Variants in DBH observed in about 807,000 individuals in gnomAD.
The protein encoded by DBH is dopamine beta-hydroxylase (dopamine beta-monooxygenase).
DBH carries 49 observed loss-of-function variants against 64.0 expected under a neutral mutation model. That is an observed-to-expected ratio of 0.77 (90% confidence interval 0.61 to 0.97). The LOEUF is 0.97. Ranked by LOEUF, DBH falls within the 50% of genes least tolerant of loss-of-function variation. The probability of loss-of-function intolerance (pLI) is 0.00; values close to 1 mark genes in which losing one functional copy is unlikely to be tolerated. For synonymous variants in DBH, 343 were observed against 347.1 expected, an observed-to-expected ratio of 0.99 and a Z score of 0.13; for missense variants, 828 against 826.6, an observed-to-expected ratio of 1.00 and a Z score of -0.02.
chr9:133,636,858 A>G, intron 1 of DBH, 148 bp downstream of exon 1: 2 of 799,568 alleles, frequency 2.5e-6, no homozygotes, highest in Non-Finnish European at 2.1e-6. Context: ...CCAAGTCTGC[A>G]CCCCGAGCTT....
intron 8 of DBH, 27 bp from the exon 9 acceptor site, chr9:133,652,913 C>G (rs1832268819): frequency 6.2e-7 from 1 of 1,602,746 alleles, no homozygotes; most frequent in African/African-American, 1.3e-5. Flanking sequence ...GTGGCAGGTG[C>G]TGATGGTCAC....
At chr9:133,649,501 T>C (rs1219854867) in intron 6 of DBH, among the ~76,000 whole-genome samples, 3 of 152,220 alleles carry the variant, frequency 2.0e-5, no homozygotes, top group Non-Finnish European at 4.4e-5. Flanking sequence ...AGAGTGGATT[T>C]TCCTTCCTAG....
chr9:133,641,172 A>C (rs1832112043), intron 2 of DBH, among the ~76,000 whole-genome samples: 1 of 152,236 alleles, frequency 6.6e-6, no homozygotes, highest in African/African-American at 2.4e-5. Flanking sequence ...ATAGATGCCA[A>C]ATAGACAAAT....
chr9:133,656,775 C>A, intron 10 of DBH, 125 bp downstream of exon 10: 1 of 1,228,164 alleles, frequency 8.1e-7, no homozygotes, highest in Admixed American at 1.9e-5. Context: ...CCTGTGGCGG[C>A]ATCACTCACC....
Position 133,643,473 on chromosome 9 carries a change from T to C in DBH, c.805T>C (p.Cys269Arg), listed in dbSNP as rs1193871229. 1 of 1,613,328 alleles carries C rather than the reference T, an allele frequency of 6.2e-7. No homozygotes were observed. The highest frequency in any genetic ancestry group is 1.1e-5 in the South Asian group (1 of 91,016). ...ALVHHMEVFQ[C>R]APEMDSVPHF... ...TGTCCACCACATGGAAGTCTTCCAG[T>C]GCGCCCCCGAGATGGACAGCGTCCC... The change falls in exon 4 of 12, where the codon TGC (cysteine) becomes CGC (arginine). Residue 269 changes from cysteine to arginine, a missense_variant. Coordinates refer to ENST00000393056, the MANE Select transcript of DBH (RefSeq NM_000787.4). The surrounding 1 kb of genome is among the most constrained non-coding windows in gnomAD (Gnocchi z 5.3).
intron 5 of DBH, among the ~76,000 whole-genome samples, chr9:133,647,276 G>T (rs1182058807): frequency 3.3e-5 from 5 of 152,226 alleles, no homozygotes; most frequent in Non-Finnish European, 5.9e-5. Context: ...TCAACACAGA[G>T]ATACACTCAC....
Position 133,643,418 on chromosome 9 carries a change from G to C in DBH, c.750G>C (p.Glu250Asp). The stretch of plus-strand genomic sequence containing the variant: ...AGAGGGCTGCCTCCTCACAGTACGA[G>C]CCCATCGTCACCAAGGGCAATGAGG... ...GFSRHHIIKY[E>D]PIVTKGNEAL... The change falls in exon 4 of 12, where the codon GAG becomes GAC. Residue 250 changes from glutamate to aspartate, a missense_variant. By Grantham distance (45) the Glu-to-Asp change is conservative (BLOSUM62 2). Transcript: ENST00000393056. The surrounding 1 kb of genome is among the most constrained non-coding windows in gnomAD (Gnocchi z 5.3). 6.2e-7 allele frequency: 1 copy of C among 1,613,782 alleles called. No individual in the cohort carries two copies. The highest frequency in any genetic ancestry group is 8.5e-7 in the Non-Finnish European group (1 of 1,179,980).
In DBH at chr9:133,643,353, C is replaced by G. The variant is rs1339488625; in HGVS notation, c.745-60C>G. 6.5e-7 allele frequency: 1 copy of G among 1,539,630 alleles called. No homozygotes were observed. Among genetic ancestry groups the G allele is most frequent in the Non-Finnish European group, 8.9e-7 (1 of 1,128,690 alleles). ...GCATTCGGAAGCCCATGGAGGAGGG[C>G]TGCTGGGGAGGGGAGGGTGGGCGGC... is the stretch of plus-strand genomic sequence containing the variant. On this transcript the variant is annotated intron_variant, in intron 3 of 11. Coordinates refer to ENST00000393056, the MANE Select transcript of DBH (RefSeq NM_000787.4). The surrounding 1 kb of genome is among the most constrained non-coding windows in gnomAD (Gnocchi z 5.3).
chr9:133,652,207 G>C (rs1832258552), intron 7 of DBH, 39 bp from the exon 8 acceptor site: 1 of 1,612,918 alleles, frequency 6.2e-7, no homozygotes, highest in African/African-American at 1.3e-5. Flanking sequence ...AGCTCTCTGA[G>C]GTCTCCTCTC....
chr9:133,636,909 G>A (rs1226810106), intron 1 of DBH, among the ~76,000 whole-genome samples, 199 bp downstream of exon 1: 1 of 152,160 alleles, frequency 6.6e-6, no homozygotes, highest in Non-Finnish European at 1.5e-5. Context: ...AAATAGGAAA[G>A]ACATGCTTTC....
At chr9:133,638,979 T>C (rs1230330362) in intron 1 of DBH, among the ~76,000 whole-genome samples, 1 of 152,038 alleles carries the variant, frequency 6.6e-6, no homozygotes, top group Non-Finnish European at 1.5e-5. Flanking sequence ...CTGATCCAGA[T>C]CCCAGGAAGC....
At position 133,659,016 on chromosome 9, in the gene DBH, T is replaced by C. The variant is rs1832375638; in HGVS notation, c.*569T>C. The C allele has an allele frequency of 6.6e-6, 1 of 152,126 alleles. No homozygotes were observed. Among genetic ancestry groups the C allele is most frequent in the Non-Finnish European group, 1.5e-5 (1 of 68,046 alleles). The allele number at this position is 152,126 out of a possible 1,614,324, so 9.4% of individuals were successfully genotyped here. On this transcript the variant is annotated 3_prime_UTR_variant, in exon 12 of 12. Transcript: ENST00000393056. Reference sequence around the variant, plus strand: ...TGCTCCATTCCTGAGTAAACAGATATTTTCGCCCACCTAAAGGGAAGCCCT... The same window carrying C: ...TGCTCCATTCCTGAGTAAACAGATACTTTCGCCCACCTAAAGGGAAGCCCT...
chr9:133,640,996 G>A (rs544630952), intron 2 of DBH, among the ~76,000 whole-genome samples: 17 of 152,318 alleles, frequency 1.1e-4, no homozygotes, highest in African/African-American at 4.1e-4. Flanking sequence ...TTAGGGCTGA[G>A]GCAATATTGG....
Position 133,657,153 on chromosome 9 carries a change from G to C in DBH, c.1646G>C (p.Arg549Pro). 6.2e-7 allele frequency: 1 copy of C among 1,614,072 alleles called. No individual in the cohort carries two copies. The highest frequency in any genetic ancestry group is 1.3e-5 in the African/African-American group (1 of 75,036). ...FTSVPWNSFNRDVLKALYSFA... is the reference protein window; with the variant it reads ...FTSVPWNSFNPDVLKALYSFA... ...TCTGTTCCCTGGAACTCCTTCAACCGCGACGTACTGAAGGCCCTGTACAGC... is the reference window on the plus strand; with the variant it reads ...TCTGTTCCCTGGAACTCCTTCAACCCCGACGTACTGAAGGCCCTGTACAGC... Residue 549 changes from arginine (R) to proline (P), a missense_variant, in exon 11 of 12, where the codon CGC becomes CCC. Transcript: ENST00000393056.
At chr9:133,653,295 G>A (rs1402012741) in intron 9 of DBH, among the ~76,000 whole-genome samples, 1 of 152,160 alleles carries the variant, frequency 6.6e-6, no homozygotes, top group African/African-American at 2.4e-5. Flanking sequence ...AGGTTGAGAA[G>A]CACTCACACC....
rs369903212 is a variant in DBH at position 133,652,999 on chromosome 9, G to A, written c.1434G>A (p.Val478=). The change falls in exon 9 of 12, where the codon GTG becomes GTA. Residue 478 remains valine (V), a splice_region_variant and synonymous_variant. Coordinates refer to ENST00000393056, the MANE Select transcript of DBH (RefSeq NM_000787.4). ...YNTEDRELAT[V]GGFGILEEMC... ...CAGAAGACCGGGAGCTGGCCACAGT[G>A]GTAAGTCACCCCCGCTTCCCCCTGC... 3.8e-5 allele frequency: 61 copies of A among 1,611,870 alleles called. 1 individual carries two copies. In the East Asian group the frequency reaches 4.9e-4, roughly 13 times the overall value.
chr9:133,656,475 C>T lies in DBH; in HGVS notation c.1435-48C>T, dbSNP rs73559959. ...TGCGGCGAAAGCTGCTGGATGGCAG[C>T]GTCTGCGTGGCATGGCCCGGGGCTG... On this transcript the variant is annotated intron_variant, in intron 9 of 11. Coordinates refer to ENST00000393056, the MANE Select transcript of DBH (RefSeq NM_000787.4). The T allele has an allele frequency of 6.4e-3, 10,335 of 1,612,330 alleles. 412 individuals carry two copies. In the African/African-American group the frequency reaches 0.1, roughly 16 times the overall value.
In DBH at chr9:133,643,716, AC is replaced by A; in HGVS notation, c.921+129del. On this transcript the variant is annotated intron_variant, in intron 4 of 11. Transcript: ENST00000393056. The surrounding 1 kb of genome is among the most constrained non-coding windows in gnomAD (Gnocchi z 5.3). The stretch of plus-strand genomic sequence containing the variant: ...GGCTCCCAAGGGGGCTCACGAGGCC[AC>A]CAGAAGGGCCAGGCCTGAGGTGGCC... The A allele has an allele frequency of 9.3e-7, 1 of 1,074,050 alleles. No homozygotes were observed. Among genetic ancestry groups the A allele is most frequent in the Non-Finnish European group, 1.4e-6 (1 of 740,618 alleles). The allele number at this position is 1,074,050 out of a possible 1,614,324, so 66.5% of individuals were successfully genotyped here.
intron 1 of DBH, among the ~76,000 whole-genome samples, chr9:133,637,428 C>T (rs77367326): frequency 4.4e-4 from 67 of 152,246 alleles, no homozygotes; most frequent in Non-Finnish European, 7.1e-4. Flanking sequence ...GCGAGCCCAC[C>T]GCCTACAATG....
Sources: gnomAD v4.1 joint callset for allele counts (sites outside exome capture counted in the v4.1 genomes callset) on GRCh38, gnomAD v4.1.1 for gene constraint, Gnocchi (gnomAD v3.1) non-coding constraint, MANE v1.5 for transcripts, NCBI Gene and HGNC (gene_info 2026-07-23, HGNC 2026-07-21) for gene names.